Variants in UGT1A7 observed in about 807,000 individuals in gnomAD.
UGT1A7 encodes UDP-glucuronosyltransferase 1A7.
A neutral mutation model predicts 45.6 loss-of-function variants in UGT1A7; 33 were observed. The ratio of observed to expected loss-of-function variants is 0.72; its 90% CI spans 0.55 to 0.97. UGT1A7 has a LOEUF of 0.97. UGT1A7 is among the 50% of genes least tolerant of loss of function. The probability of loss-of-function intolerance (pLI) is 0.00; values close to 1 mark genes in which losing one functional copy is unlikely to be tolerated. For synonymous variants in UGT1A7, 274 were observed against 250.6 expected (o/e 1.09, Z -0.88); for missense variants, 684 against 666.2 (o/e 1.03, Z -0.29).
intron 1 of UGT1A7, among the ~76,000 whole-genome samples, chr2:233,699,435 T>C (rs2075505812): frequency 6.6e-6 from 1 of 152,214 alleles, no homozygotes; most frequent in African/African-American, 2.4e-5. Context: ...GAAGGGTCAT[T>C]GGAGTGTTTT....
chr2:233,687,509 G>A (rs1242887907), intron 1 of UGT1A7, among the ~76,000 whole-genome samples: 2 of 150,958 alleles, frequency 1.3e-5, no homozygotes, highest in Non-Finnish European at 2.9e-5. Context: ...GAGGCACAGA[G>A]GGGTTGAGTG....
chr2:233,754,715 GCCTGTC>G, intron 1 of UGT1A7: 1 of 549,762 alleles, frequency 1.8e-6, no homozygotes, highest in Non-Finnish European at 3.3e-6. Flanking sequence ...ACTTGAAGCT[GCCTGTC>G]CCATCACTAC....
chr2:233,715,885 C>G (rs1236861095), intron 1 of UGT1A7, among the ~76,000 whole-genome samples: 4 of 152,204 alleles, frequency 2.6e-5, no homozygotes, highest in African/African-American at 7.2e-5. Flanking sequence ...GTGGCCCCAG[C>G]TACTTGGGAG....
In UGT1A7 at chr2:233,719,168, T is replaced by G. The variant is rs1202848834; in HGVS notation, c.855+36376T>G. ...AGAGATATTCTAGAAGTATGGCAAT[T>G]ATGAACAATGTATCTTTGGCCCTTC... On this transcript the variant is annotated intron_variant, in intron 1 of 4. Transcript: ENST00000373426. 2 of 1,614,224 alleles carry G rather than the reference T, an allele frequency of 1.2e-6. No individual in the cohort carries two copies. Among genetic ancestry groups the G allele is most frequent in the Admixed American group, 1.7e-5 (1 of 60,034 alleles).
Position 233,722,695 on chromosome 2 carries a change from T to C in UGT1A7, c.855+39903T>C, listed in dbSNP as rs1001983756. Among the ~76,000 whole-genome samples the C allele has an allele frequency of 3.3e-5, 5 of 152,186 alleles. No individual in the cohort carries two copies. In the East Asian group the frequency reaches 9.6e-4, roughly 29 times the overall value. On this transcript the variant is annotated intron_variant, in intron 1 of 4. Transcript: ENST00000373426. Reference sequence around the variant, plus strand: ...TAAAAATTGCTGTTCTTTTCATTGCTTTTAGATAATTTAAATATCAGTTTT... The same window carrying C: ...TAAAAATTGCTGTTCTTTTCATTGCCTTTAGATAATTTAAATATCAGTTTT...
intron 1 of UGT1A7, among the ~76,000 whole-genome samples, chr2:233,751,264 C>T (rs796592770): frequency 6.6e-6 from 1 of 151,872 alleles, no homozygotes; most frequent in East Asian, 1.9e-4. Context: ...CTGTAGCCCC[C>T]TTTTTTTGGC....
chr2:233,760,811 T>G (rs72551341), intron 1 of UGT1A7: 1 of 1,613,198 alleles, frequency 6.2e-7, no homozygotes, highest in South Asian at 1.1e-5. Context: ...TTGCATGCAC[T>G]GCCATGCAGC....
intron 1 of UGT1A7, chr2:233,719,556 G>A (rs1189539975): frequency 1.2e-6 from 2 of 1,613,900 alleles, no homozygotes; most frequent in South Asian, 2.2e-5. Flanking sequence ...GGTGTCAGTG[G>A]TGGATCTTGT....
Position 233,682,287 on chromosome 2 carries a change from T to G in UGT1A7, c.350T>G (p.Phe117Cys), listed in dbSNP as rs2074570002. Reference protein sequence around the residue: ...SLLTSSSNGIFDLFFSNCRSL... With the variant: ...SLLTSSSNGICDLFFSNCRSL... ...TTAACAAGTTCATCCAATGGTATTT[T>G]TGACTTATTTTTTTCAAATTGCAGG... Residue 117 changes from phenylalanine (F) to cysteine (C), a missense_variant, in exon 1 of 5, where the codon TTT becomes TGT. Physicochemically the swap from Phe to Cys is radical, Grantham distance 205. Coordinates refer to ENST00000373426, the MANE Select transcript of UGT1A7 (RefSeq NM_019077.3). 1.3e-5 allele frequency: 21 copies of G among 1,614,096 alleles called. No individual in the cohort carries two copies. Among genetic ancestry groups the G allele is most frequent in the Non-Finnish European group, 1.7e-5 (20 of 1,180,030 alleles).
intron 1 of UGT1A7, among the ~76,000 whole-genome samples, chr2:233,765,193 A>G (rs1229079097): frequency 6.6e-6 from 1 of 152,214 alleles, no homozygotes; most frequent in Non-Finnish European, 1.5e-5. Flanking sequence ...TCACACAATC[A>G]TATTAGTGCC....
intron 1 of UGT1A7, among the ~76,000 whole-genome samples, chr2:233,756,691 G>C (rs1044916114): frequency 6.6e-6 from 1 of 152,108 alleles, no homozygotes; most frequent in Non-Finnish European, 1.5e-5. Flanking sequence ...ATATAATGAC[G>C]ATGAATTTTG....
intron 1 of UGT1A7, among the ~76,000 whole-genome samples, chr2:233,727,206 C>A (rs1441651485): frequency 6.6e-6 from 1 of 152,164 alleles, no homozygotes; most frequent in Non-Finnish European, 1.5e-5. Flanking sequence ...CTCACTGACA[C>A]CCATGGCTTC....
intron 1 of UGT1A7, among the ~76,000 whole-genome samples, chr2:233,710,501 C>T (rs1432129289): frequency 1.3e-5 from 2 of 152,166 alleles, no homozygotes; most frequent in East Asian, 3.8e-4. Flanking sequence ...AATTTGCATT[C>T]CTCTTATGAC....
At position 233,731,482 on chromosome 2, in the gene UGT1A7, G is replaced by T. The variant is rs562723642; in HGVS notation, c.856-35552G>T. Among the ~76,000 whole-genome samples the T allele has an allele frequency of 2.6e-5, 4 of 152,206 alleles. No individual in the cohort carries two copies. In the East Asian group the frequency reaches 7.7e-4, roughly 29 times the overall value. On this transcript the variant is annotated intron_variant, in intron 1 of 4. Transcript: ENST00000373426. ...CCTGGCGTGTGATGTTCCCTGGCCTGTGTCCAGTGTTCTTGCTGTTCAGTT... is the reference window on the plus strand; with the variant it reads ...CCTGGCGTGTGATGTTCCCTGGCCTTTGTCCAGTGTTCTTGCTGTTCAGTT...
intron 1 of UGT1A7, among the ~76,000 whole-genome samples, chr2:233,724,767 C>T (rs2125706363): frequency 7.0e-6 from 1 of 143,094 alleles, no homozygotes; most frequent in African/African-American, 2.7e-5. Context: ...GGCGGCCAGG[C>T]AGAGACACTC....
At chr2:233,726,313 G>T (rs2077524359) in intron 1 of UGT1A7, among the ~76,000 whole-genome samples, 2 of 152,198 alleles carry the variant, frequency 1.3e-5, no homozygotes, top group Non-Finnish European at 2.9e-5. Context: ...GGATCATTGA[G>T]CTCAGGAGTT....
intron 1 of UGT1A7, among the ~76,000 whole-genome samples, chr2:233,758,486 A>G (rs1279862194): frequency 6.6e-6 from 1 of 152,222 alleles, no homozygotes; most frequent in East Asian, 1.9e-4. Flanking sequence ...TAAACTGTGA[A>G]TTTCAGAATT....
chr2:233,697,570 T>C, intron 1 of UGT1A7, among the ~76,000 whole-genome samples: 1 of 151,918 alleles, frequency 6.6e-6, no homozygotes, highest in East Asian at 1.9e-4. Flanking sequence ...TCAATTTAAT[T>C]TATTTTTTCC....
chr2:233,744,541 T>G (rs1692842272), intron 1 of UGT1A7, among the ~76,000 whole-genome samples: 1 of 151,942 alleles, frequency 6.6e-6, no homozygotes, highest in African/African-American at 2.4e-5. Flanking sequence ...TATGTAAATT[T>G]TATTAAGACA....
Sources: allele counts gnomAD v4.1 joint callset (sites outside exome capture counted in the v4.1 genomes callset), GRCh38; gene constraint gnomAD v4.1.1; transcripts MANE v1.5; gene names NCBI Gene and HGNC (gene_info 2026-07-23, HGNC 2026-07-21).